Variants in MEGF6 observed in about 807,000 individuals in gnomAD.
The protein encoded by MEGF6 is multiple EGF like domains 6, also known as multiple epidermal growth factor-like domains protein 6.
MEGF6 carries 184 observed loss-of-function variants against 207.1 expected under a neutral mutation model. The ratio of observed to expected loss-of-function variants is 0.89; its 90% CI spans 0.79 to 1.00. MEGF6 has a LOEUF of 1.00. Ranked by LOEUF, MEGF6 falls within the 50% of genes least tolerant of loss-of-function variation. The pLI is 0.00. For missense variants in MEGF6, 2,282 were observed against 2,202.9 expected, an observed-to-expected ratio of 1.04 and a Z score of -0.72; for synonymous variants, 1,038 against 910.0, an observed-to-expected ratio of 1.14 and a Z score of -2.53.
chr1:3,509,912 C>T lies in MEGF6; in HGVS notation c.1315G>A (p.Glu439Lys), dbSNP rs771525506. Residue 439 changes from glutamate (E) to lysine (K), a missense_variant, in exon 11 of 37, where the codon GAG becomes AAG. Glu to Lys is a moderately conservative substitution (Grantham distance 56). Coordinates refer to ENST00000356575, the MANE Select transcript of MEGF6 (RefSeq NM_001409.4). ...TCCTCGTGCAGCCGGTAGCCGGCCT[C>T]GCAGGAGCACTGGAAGGAGCCGGCC... ...NLAGSFQCSC[E>K]AGYRLHEDRR... 11 of 1,564,486 alleles carry T rather than the reference C, an allele frequency of 7.0e-6. No individual in the cohort carries two copies. The highest frequency in any genetic ancestry group is 3.8e-4 in the Middle Eastern group (2 of 5,196).
intron 4 of MEGF6, among the ~76,000 whole-genome samples, chr1:3,549,908 A>C (rs1642830910): frequency 1.3e-5 from 2 of 152,194 alleles, no homozygotes; most frequent in Admixed American, 6.5e-5. Context: ...GTCGAAGGTC[A>C]GAACCAGGCT....
intron 14 of MEGF6, among the ~76,000 whole-genome samples, chr1:3,506,804 T>G (rs1388920858): frequency 6.6e-6 from 1 of 152,180 alleles, no homozygotes; most frequent in African/African-American, 2.4e-5. Context: ...TAGGCACAGT[T>G]GCATTTCTTG....
chr1:3,576,758 C>A (rs560112250), intron 4 of MEGF6, among the ~76,000 whole-genome samples: 2 of 149,320 alleles, frequency 1.3e-5, no homozygotes, highest in East Asian at 4.0e-4. Context: ...GCATGCCCAG[C>A]CCTGCACATT....
At chr1:3,569,267 C>A (rs1434857874) in intron 4 of MEGF6, among the ~76,000 whole-genome samples, 2 of 152,252 alleles carry the variant, frequency 1.3e-5, no homozygotes, top group Non-Finnish European at 2.9e-5. Flanking sequence ...CACCAATGCC[C>A]AGACACCACC....
intron 3 of MEGF6, among the ~76,000 whole-genome samples, chr1:3,582,143 G>A (rs1557793786): frequency 6.6e-6 from 1 of 152,184 alleles, no homozygotes; most frequent in Admixed American, 6.5e-5. Context: ...GGCAGCCACT[G>A]CCCTCTCTTC....
intron 2 of MEGF6, 94 bp downstream of exon 2, chr1:3,602,372 C>A: frequency 1.3e-6 from 2 of 1,556,992 alleles, no homozygotes; most frequent in Non-Finnish European, 1.7e-6. Flanking sequence ...GAGACCAGGA[C>A]GGGGTCCTGG....
chr1:3,568,336 A>C (rs10127607), intron 4 of MEGF6, among the ~76,000 whole-genome samples: 2,633 of 138,258 alleles, frequency 0.019, 85 homozygotes, highest in African/African-American at 0.057. Flanking sequence ...CTCCAGGAAC[A>C]CGGCAGGGGA....
At chr1:3,522,356 C>T (rs555053453) in intron 5 of MEGF6, among the ~76,000 whole-genome samples, 2 of 152,252 alleles carry the variant, frequency 1.3e-5, no homozygotes, top group East Asian at 1.9e-4. Context: ...CTCACACAGG[C>T]GACACCCTGA....
intron 31 of MEGF6, 48 bp downstream of exon 31, chr1:3,494,565 G>A (rs886418865): frequency 1.9e-5 from 30 of 1,560,770 alleles, no homozygotes; most frequent in Non-Finnish European, 2.6e-5. Context: ...GCAGCCCAGG[G>A]CACCTCCCTG....
Position 3,497,219 on chromosome 1 carries a change from T to G in MEGF6, c.3481+14A>C, listed in dbSNP as rs1399439418. ...CCCAGCCGCTCCTCGGGGTGGGGGC[T>G]TGGGAGCACCTACCCTGCTCGCAGC... On this transcript the variant is annotated intron_variant, in intron 27 of 36. Transcript: ENST00000356575. The G allele has an allele frequency of 1.3e-6, 2 of 1,506,974 alleles. No homozygotes were observed. The highest frequency in any genetic ancestry group is 1.8e-6 in the Non-Finnish European group (2 of 1,128,680). The allele number at this position is 1,506,974 out of a possible 1,614,324, so 93.4% of individuals were successfully genotyped here.
chr1:3,496,961 C>A, intron 28 of MEGF6, 27 bp downstream of exon 28: 1 of 1,546,524 alleles, frequency 6.5e-7, no homozygotes, highest in South Asian at 1.2e-5. Context: ...ACTGCCGAGT[C>A]CCTGGGTGGG....
chr1:3,603,441 G>A (rs1389740060), intron 1 of MEGF6, among the ~76,000 whole-genome samples: 1 of 152,120 alleles, frequency 6.6e-6, no homozygotes, highest in Non-Finnish European at 1.5e-5. Flanking sequence ...CGGGGGGAGA[G>A]GACAAGGCTC....
chr1:3,538,639 A>AGCCTGAG (rs1455080480), intron 4 of MEGF6, among the ~76,000 whole-genome samples: 1 of 151,142 alleles, frequency 6.6e-6, no homozygotes, highest in East Asian at 2.0e-4. Context: ...AGCCCCCGAG[A>AGCCTGAG]GCCTGAGGCC....
At position 3,603,319 on chromosome 1, in the gene MEGF6, AGGG is replaced by A. The variant is rs879647998; in HGVS notation, c.132-722_132-720del. ...CAGGCCCTGCGGGGGGAAGGGTCAG[AGGG>A]AGGGACCCTCCAAAGACAGCCACAC... On this transcript the variant is annotated intron_variant, in intron 1 of 36. Coordinates refer to ENST00000356575, the MANE Select transcript of MEGF6 (RefSeq NM_001409.4). Among the ~76,000 whole-genome samples the A allele has an allele frequency of 7.7e-3, 1,174 of 151,938 alleles. 15 individuals are homozygous for A. Among genetic ancestry groups the A allele is most frequent in the African/African-American group, 0.027 (1,111 of 41,378 alleles).
At chr1:3,563,672 C>G (rs1435372598) in intron 4 of MEGF6, among the ~76,000 whole-genome samples, 1 of 152,258 alleles carries the variant, frequency 6.6e-6, no homozygotes, top group East Asian at 1.9e-4. Context: ...CAGAGTCCCC[C>G]TCTGGCTCCC....
chr1:3,518,738 A>C (rs553173394), intron 5 of MEGF6, among the ~76,000 whole-genome samples: 2 of 152,204 alleles, frequency 1.3e-5, no homozygotes, highest in Non-Finnish European at 2.9e-5. Context: ...TCAGATAGGG[A>C]TGGTTTCTAG....
At chr1:3,515,584 G>A in intron 5 of MEGF6, 57 bp from the exon 6 acceptor site, 1 of 1,583,948 alleles carries the variant, frequency 6.3e-7, no homozygotes, top group South Asian at 1.1e-5. Flanking sequence ...CCGACAGTCT[G>A]TCCCTGGCTG....
At chr1:3,519,552 G>A (rs1444484218) in intron 5 of MEGF6, among the ~76,000 whole-genome samples, 1 of 152,236 alleles carries the variant, frequency 6.6e-6, no homozygotes, top group Non-Finnish European at 1.5e-5. Context: ...AGCATCACAC[G>A]GGTTCAGCTT....
intron 5 of MEGF6, among the ~76,000 whole-genome samples, chr1:3,517,098 AG>A (rs1641570096): frequency 6.6e-6 from 1 of 152,162 alleles, no homozygotes; most frequent in Non-Finnish European, 1.5e-5. Flanking sequence ...CCGCCTTCCC[AG>A]GGGCCCTGTT....
Sources: allele counts gnomAD v4.1 joint callset (sites outside exome capture counted in the v4.1 genomes callset), GRCh38; gene constraint gnomAD v4.1.1; transcripts MANE v1.5; gene names NCBI Gene and HGNC (gene_info 2026-07-23, HGNC 2026-07-21).